The following NRXN3 variants were observed in gnomAD, a reference collection of about 807,000 sequenced individuals.
NRXN3 encodes the protein neurexin 3.
NRXN3 carries 32 observed loss-of-function variants against 137.6 expected under a neutral mutation model. The observed-to-expected ratio is 0.23, with a 90% CI of 0.18 to 0.31. The LOEUF (loss-of-function observed/expected upper bound fraction) is 0.31, where lower values mean the gene tolerates loss of function less well. Among genes scored for constraint, NRXN3 ranks in the 10% least tolerant of loss-of-function variants. NRXN3 has a pLI of 1.00. For missense variants in NRXN3, 1,574 were observed against 2,062.5 expected, an observed-to-expected ratio of 0.76 and a Z score of 4.59; for synonymous variants, 798 against 784.5, an observed-to-expected ratio of 1.02 and a Z score of -0.29.
At position 78,317,357 on chromosome 14, in the gene NRXN3, G is replaced by A. The variant is rs369557059; in HGVS notation, c.757+19497G>A. On this transcript the variant is annotated intron_variant, in intron 4 of 20. Coordinates refer to ENST00000335750, the MANE Select transcript of NRXN3 (RefSeq NM_001330195.2). Reference sequence around the variant, plus strand: ...GAGTGAGCATTATCGCCTAAGTTCCGCCTCCTGTCAGATCAGTGGCAACAT... The same window carrying A: ...GAGTGAGCATTATCGCCTAAGTTCCACCTCCTGTCAGATCAGTGGCAACAT... Among the ~76,000 whole-genome samples, 17 of 152,268 alleles carry A rather than the reference G, an allele frequency of 1.1e-4. No individual in the cohort carries two copies. The East Asian group carries it at 2.3e-3, about 21-fold the overall frequency.
intron 7 of NRXN3, among the ~76,000 whole-genome samples, chr14:78,713,240 A>G (rs945561367): frequency 1.3e-5 from 2 of 152,134 alleles, no homozygotes; most frequent in Admixed American, 6.5e-5. Context: ...GATGCTGTCC[A>G]AACTCCAACC....
intron 1 of NRXN3, among the ~76,000 whole-genome samples, chr14:78,192,628 G>A (rs2060853739): frequency 6.6e-6 from 1 of 152,098 alleles, no homozygotes; most frequent in Non-Finnish European, 1.5e-5. Context: ...TGATGGATTG[G>A]ATATGAGGAT....
chr14:78,979,257 G>A (rs1286771090), intron 14 of NRXN3, among the ~76,000 whole-genome samples: 4 of 152,006 alleles, frequency 2.6e-5, no homozygotes, highest in Non-Finnish European at 5.9e-5. Context: ...CAGTCATTTT[G>A]ACACATAAAA....
chr14:79,367,675 G>C (rs2093946723), intron 15 of NRXN3, among the ~76,000 whole-genome samples: 1 of 152,270 alleles, frequency 6.6e-6, no homozygotes, highest in Admixed American at 6.5e-5. Context: ...AAAATAAATA[G>C]ACTAGCACGT....
At chr14:78,203,787 G>A (rs2061896749) in intron 1 of NRXN3, among the ~76,000 whole-genome samples, 1 of 142,510 alleles carries the variant, frequency 7.0e-6, no homozygotes, top group Non-Finnish European at 1.5e-5. Flanking sequence ...TTGACTTTTT[G>A]GTGTAGATCC....
intron 6 of NRXN3, among the ~76,000 whole-genome samples, chr14:78,672,016 G>A (rs564109520): frequency 1.3e-5 from 2 of 152,246 alleles, no homozygotes; most frequent in African/African-American, 4.8e-5. Flanking sequence ...TTATCTGTCT[G>A]TATGTTTATT....
chr14:79,445,176 C>T (rs915523793), intron 15 of NRXN3, among the ~76,000 whole-genome samples: 2 of 151,832 alleles, frequency 1.3e-5, no homozygotes, highest in African/African-American at 4.8e-5. Flanking sequence ...CCCGTCTCTA[C>T]TAAAAATACA....
chr14:79,419,195 T>C (rs149472471), intron 15 of NRXN3, among the ~76,000 whole-genome samples: 2 of 152,248 alleles, frequency 1.3e-5, no homozygotes, highest in African/African-American at 4.8e-5. Context: ...TTCATTGAGA[T>C]AAAAAGGGTC....
intron 16 of NRXN3, among the ~76,000 whole-genome samples, chr14:79,650,080 A>T (rs1357112442): frequency 1.3e-5 from 2 of 152,064 alleles, no homozygotes; most frequent in Non-Finnish European, 2.9e-5. Flanking sequence ...TGGTTGGAGG[A>T]CATCCAGCTG....
intron 15 of NRXN3, among the ~76,000 whole-genome samples, chr14:79,450,929 G>A (rs1319434852): frequency 6.6e-6 from 1 of 151,784 alleles, no homozygotes; most frequent in African/African-American, 2.4e-5. Flanking sequence ...ATTTTCATAA[G>A]CACTTATGTT....
At chr14:78,831,993 G>A (rs215501) in intron 10 of NRXN3, among the ~76,000 whole-genome samples, 136,482 of 151,058 alleles carry the variant, frequency 0.9, 62,539 homozygotes, top group Non-Finnish European at 0.98. Context: ...GTGGGGAGTG[G>A]GGTAAAAGAG....
intron 14 of NRXN3, among the ~76,000 whole-genome samples, chr14:78,986,823 C>T (rs907889251): frequency 2.0e-5 from 3 of 151,784 alleles, no homozygotes; most frequent in South Asian, 2.1e-4. Flanking sequence ...GAGATCGAGA[C>T]GATCTTGGCC....
intron 15 of NRXN3, among the ~76,000 whole-genome samples, chr14:79,065,310 C>T (rs945587586): frequency 3.9e-5 from 6 of 151,960 alleles, no homozygotes; most frequent in East Asian, 1.9e-4. Context: ...AGAAAGGAAC[C>T]GGTCAGGTAG....
chr14:78,976,903 C>T (rs1272882743), intron 14 of NRXN3, among the ~76,000 whole-genome samples: 1 of 152,100 alleles, frequency 6.6e-6, no homozygotes, highest in Non-Finnish European at 1.5e-5. Flanking sequence ...TTGAGAGTCT[C>T]CTTGATGAAG....
At chr14:79,586,868 A>G (rs561798768) in intron 16 of NRXN3, among the ~76,000 whole-genome samples, 1 of 152,290 alleles carries the variant, frequency 6.6e-6, no homozygotes, top group East Asian at 1.9e-4. Flanking sequence ...TTTTCTTTGC[A>G]TGATTAACTG....
chr14:79,531,283 A>AAGCATT (rs1181249697), intron 16 of NRXN3, among the ~76,000 whole-genome samples: 4 of 152,326 alleles, frequency 2.6e-5, no homozygotes, highest in South Asian at 4.1e-4. Flanking sequence ...TGATCCACAG[A>AAGCATT]AGCATTTTGT....
intron 16 of NRXN3, among the ~76,000 whole-genome samples, chr14:79,524,147 A>G (rs899312959): frequency 3.3e-5 from 5 of 152,210 alleles, no homozygotes; most frequent in Non-Finnish European, 7.3e-5. Flanking sequence ...CAGAGATCTA[A>G]GGAGAAAACA....
chr14:79,735,681 T>G (rs926218504), intron 19 of NRXN3, among the ~76,000 whole-genome samples: 5 of 152,192 alleles, frequency 3.3e-5, no homozygotes, highest in African/African-American at 1.2e-4. Context: ...AGAACAGGGT[T>G]ATAAAGCATC....
chr14:78,373,431 G>A (rs974465990), intron 4 of NRXN3, among the ~76,000 whole-genome samples: 2 of 152,202 alleles, frequency 1.3e-5, no homozygotes, highest in African/African-American at 2.4e-5. Context: ...TGTGGAGATA[G>A]CTTAGTGCAA....
Sources: gnomAD v4.1 joint callset for allele counts (sites outside exome capture counted in the v4.1 genomes callset) on GRCh38, gnomAD v4.1.1 for gene constraint, MANE v1.5 for transcripts, NCBI Gene and HGNC (gene_info 2026-07-23, HGNC 2026-07-21) for gene names.